Variants in SYNPR observed in about 807,000 individuals in gnomAD.
SYNPR encodes synaptoporin.
Under a neutral mutation model 32.9 loss-of-function variants are expected in SYNPR, and 23 were observed. The observed-to-expected ratio is 0.70, with a 90% CI of 0.50 to 0.99. SYNPR has a LOEUF of 0.99. Among genes scored for constraint, SYNPR ranks in the 50% least tolerant of loss-of-function variants. The pLI, the probability that SYNPR is intolerant of heterozygous loss-of-function variation, is 0.00. For synonymous variants in SYNPR, 146 were observed against 135.9 expected (o/e 1.07, Z -0.52); for missense variants, 318 against 349.3 (o/e 0.91, Z 0.71).
intron 2 of SYNPR, among the ~76,000 whole-genome samples, chr3:63,472,909 T>C (rs1700831191): frequency 1.3e-5 from 2 of 152,228 alleles, no homozygotes; most frequent in South Asian, 4.1e-4. Flanking sequence ...TTATAAGTGC[T>C]CAACTTTGTC....
chr3:63,442,642 C>T (rs1399934244), intron 2 of SYNPR, among the ~76,000 whole-genome samples: 1 of 152,204 alleles, frequency 6.6e-6, no homozygotes, highest in African/African-American at 2.4e-5. Flanking sequence ...ACTTAAGCCT[C>T]TGAAACCATT....
At chr3:63,602,494 T>G (rs1201877690) in intron 4 of SYNPR, among the ~76,000 whole-genome samples, 1 of 152,180 alleles carries the variant, frequency 6.6e-6, no homozygotes, top group Admixed American at 6.5e-5. Context: ...TAAATTTAAG[T>G]CTTTAATCCA....
intron 2 of SYNPR, among the ~76,000 whole-genome samples, chr3:63,259,859 A>G (rs1363731504): frequency 2.0e-5 from 3 of 152,240 alleles, no homozygotes; most frequent in Admixed American, 6.5e-5. Context: ...TTAAGGTGAT[A>G]GACAACTTCA....
At position 63,458,480 on chromosome 3, in the gene SYNPR, C is replaced by G. The variant is rs148733142; in HGVS notation, c.85-22352C>G. ...TTAGAAAAATGAGGATAATTGGACC[C>G]CTTACCTGTCATCAAGTGAACTAGC... is the stretch of plus-strand genomic sequence containing the variant. On this transcript the variant is annotated intron_variant, in intron 2 of 5. Transcript: ENST00000478300. Among the ~76,000 whole-genome samples, 318 of 152,166 alleles carry G rather than the reference C, an allele frequency of 2.1e-3. 1 individual carries two copies. Among genetic ancestry groups the G allele is most frequent in the African/African-American group, 7.1e-3 (295 of 41,550 alleles).
At chr3:63,456,280 A>G (rs2106643962) in intron 2 of SYNPR, among the ~76,000 whole-genome samples, 1 of 152,220 alleles carries the variant, frequency 6.6e-6, no homozygotes, top group Middle Eastern at 3.4e-3. Flanking sequence ...GGCATTTGGC[A>G]TACTGTAGGC....
the SYNPR span, among the ~76,000 whole-genome samples, chr3:63,201,699 A>G: frequency 6.8e-6 from 1 of 147,342 alleles, no homozygotes; most frequent in East Asian, 2.0e-4. Flanking sequence ...TGTTTAAAAC[A>G]TTTTAAAATG....
chr3:63,390,268 G>GCCCAAATAGC lies in SYNPR; in HGVS notation c.85-90563_85-90554dup, dbSNP rs112426077. Among the ~76,000 whole-genome samples the GCCCAAATAGC allele has an allele frequency of 1.6e-3, 244 of 152,258 alleles. 3 individuals are homozygous for GCCCAAATAGC. Among genetic ancestry groups the GCCCAAATAGC allele is most frequent in the Middle Eastern group, 0.01 (3 of 294 alleles). On this transcript the variant is annotated intron_variant, in intron 2 of 5. Coordinates refer to ENST00000478300, the MANE Select transcript of SYNPR (RefSeq NM_001130003.2). ...GAATTCTTCAGGGTACATTTAGCAA[G>GCCCAAATAGC]CCCAAATAGCAAGAACACACCCTCT...
intron 4 of SYNPR, among the ~76,000 whole-genome samples, chr3:63,606,439 T>TTTTTTTTTTTTTTTTTTTTTTTC (rs1553651989): frequency 6.9e-6 from 1 of 145,856 alleles, no homozygotes; most frequent in African/African-American, 2.5e-5. Context: ...TTTTTTTTTT[T>TTTTTTTTTTTTTTTTTTTTTTTC]AGCAATGAGA....
intron 3 of SYNPR, among the ~76,000 whole-genome samples, chr3:63,517,969 T>G (rs1701832035): frequency 6.6e-6 from 1 of 152,138 alleles, no homozygotes; most frequent in Non-Finnish European, 1.5e-5. Context: ...GAAGGAATGA[T>G]TTCATAATGC....
rs1420733206 is a variant in SYNPR at position 63,408,206 on chromosome 3, A to AAG, written c.85-72625_85-72624dup. Among the ~76,000 whole-genome samples the AAG allele has an allele frequency of 6.3e-3, 383 of 60,796 alleles. 28 individuals carry two copies. Among genetic ancestry groups the AAG allele is most frequent in the Middle Eastern group, 0.048 (6 of 124 alleles). The allele number at this position is 60,796 out of a possible 152,430, so 39.9% of individuals were successfully genotyped here. The stretch of plus-strand genomic sequence containing the variant: ...AGAAAGAAAGAAAGAGGAAGGAAGG[A>AAG]AGGAAGGAAGGAAGGAAGGAAGGAA... On this transcript the variant is annotated intron_variant, in intron 2 of 5. Transcript: ENST00000478300.
At chr3:63,478,029 G>C (rs1008592220) in intron 2 of SYNPR, among the ~76,000 whole-genome samples, 4 of 152,170 alleles carry the variant, frequency 2.6e-5, no homozygotes, top group African/African-American at 9.7e-5. Flanking sequence ...GAGGACTATG[G>C]GGAAGGGAGA....
chr3:63,539,453 T>A (rs1239832546), intron 3 of SYNPR, among the ~76,000 whole-genome samples: 11 of 152,156 alleles, frequency 7.2e-5, no homozygotes, highest in African/African-American at 2.7e-4. Context: ...CCTTCTCTGG[T>A]ATCTAAATAC....
At chr3:63,381,550 C>T (rs995977012) in intron 2 of SYNPR, among the ~76,000 whole-genome samples, 2 of 152,210 alleles carry the variant, frequency 1.3e-5, no homozygotes, top group African/African-American at 4.8e-5. Context: ...CTGGAAAAAA[C>T]TGCTTTAAAG....
intron 2 of SYNPR, among the ~76,000 whole-genome samples, chr3:63,322,486 G>T (rs1004982380): frequency 2.6e-5 from 4 of 151,972 alleles, no homozygotes; most frequent in Non-Finnish European, 4.4e-5. Context: ...ATCCAGGTTG[G>T]CCTGCTACCA....
At chr3:63,308,869 T>A (rs532333183) in intron 2 of SYNPR, among the ~76,000 whole-genome samples, 42 of 151,990 alleles carry the variant, frequency 2.8e-4, no homozygotes, top group African/African-American at 9.9e-4. Context: ...ATAATTTTCA[T>A]TGAATTATAA....
the SYNPR span, among the ~76,000 whole-genome samples, chr3:63,204,371 G>A: frequency 2.0e-5 from 3 of 152,060 alleles, no homozygotes; most frequent in Admixed American, 2.0e-4. Context: ...ATCTTCATGT[G>A]GCCATATTTC....
chr3:63,569,618 T>C (rs1255992298), intron 4 of SYNPR, among the ~76,000 whole-genome samples: 3 of 152,236 alleles, frequency 2.0e-5, no homozygotes, highest in African/African-American at 7.2e-5. Context: ...AGGCTTTAAT[T>C]ATCAGGGAGA....
At chr3:63,290,512 A>G (rs17068120) in intron 2 of SYNPR, among the ~76,000 whole-genome samples, 3,676 of 152,132 alleles carry the variant, frequency 0.024, 128 homozygotes, top group African/African-American at 0.083. Context: ...TGACCTTTTT[A>G]TTTCTCGAAA....
chr3:63,517,290 T>C (rs889695382), intron 3 of SYNPR, among the ~76,000 whole-genome samples: 2 of 152,150 alleles, frequency 1.3e-5, no homozygotes, highest in South Asian at 2.1e-4. Flanking sequence ...GAGATACTAA[T>C]GCTTGAGATT....
Sources: allele counts gnomAD v4.1 joint callset (sites outside exome capture counted in the v4.1 genomes callset), GRCh38; gene constraint gnomAD v4.1.1; transcripts MANE v1.5; gene names NCBI Gene and HGNC (gene_info 2026-07-23, HGNC 2026-07-21).